The following KIF19 variants were observed in gnomAD, a reference collection of about 807,000 sequenced individuals.
The protein encoded by KIF19 is kinesin family member 19.
In KIF19, 98 loss-of-function variants were observed where a neutral mutation model predicts 106.6. The observed-to-expected ratio is 0.92, with a 90% confidence interval of 0.78 to 1.09. The LOEUF (loss-of-function observed/expected upper bound fraction) is 1.09, where lower values mean the gene tolerates loss of function less well. KIF19 is among the 50% of genes least tolerant of loss of function. The probability of loss-of-function intolerance (pLI) is 0.00; values close to 1 mark genes in which losing one functional copy is unlikely to be tolerated. For synonymous variants in KIF19, 516 were observed against 584.2 expected (o/e 0.88, Z 1.68); for missense variants, 1,373 against 1,414.3 (o/e 0.97, Z 0.47).
intron 2 of KIF19, among the ~76,000 whole-genome samples, chr17:74,335,179 G>A (rs576506532): frequency 7.2e-5 from 11 of 152,278 alleles, no homozygotes; most frequent in African/African-American, 2.2e-4. Context: ...TGTCACAACC[G>A]GGGGAAGGGT....
chr17:74,335,830 A>T (rs2054205957), intron 2 of KIF19, among the ~76,000 whole-genome samples: 1 of 152,224 alleles, frequency 6.6e-6, no homozygotes, highest in African/African-American at 2.4e-5. Flanking sequence ...TGCTGAGCCC[A>T]CCTGCTTAAG....
chr17:74,330,510 G>C (rs7209183), intron 2 of KIF19, among the ~76,000 whole-genome samples: 53,726 of 152,104 alleles, frequency 0.35, 10,056 homozygotes, highest in Admixed American at 0.52. Flanking sequence ...AAGCCACTCT[G>C]TTTGTCCAAC....
Position 74,346,120 on chromosome 17 carries a change from G to A in KIF19, c.778-258G>A, listed in dbSNP as rs942035756. On this transcript the variant is annotated intron_variant, in intron 7 of 19. Transcript: ENST00000389916. The surrounding 1 kb of genome is among the most constrained non-coding windows in gnomAD (Gnocchi z 4.6). ...CATCCATGGCACTGTGTGTCAGGCC[G>A]TGCCACGGCACCTGCCCTGAGGAGA... is the stretch of plus-strand genomic sequence containing the variant. 5.9e-5 allele frequency among the ~76,000 whole-genome samples: 9 copies of A among 152,242 alleles called. No homozygotes were observed. Among genetic ancestry groups the A allele is most frequent in the African/African-American group, 1.9e-4 (8 of 41,472 alleles).
intron 10 of KIF19, 138 bp downstream of exon 10, chr17:74,349,487 A>T (rs2054632951): frequency 1.3e-6 from 1 of 775,894 alleles, no homozygotes. Context: ...ACCAGCTCTG[A>T]GCCTCCTAGC....
chr17:74,344,767 C>G lies in KIF19; in HGVS notation c.589C>G (p.Gln197Glu). ...VSTINAKEIMQLLMKGNRQRT... is the reference protein window; with the variant it reads ...VSTINAKEIMELLMKGNRQRT... ...TCTCCTCCCTCCCACCCAGATCATG[C>G]AGCTGCTGATGAAGGGGAACCGGCA... The change falls in exon 7 of 20, where the codon CAG (glutamine) becomes GAG (glutamate). Residue 197 changes from glutamine to glutamate, a missense_variant. Physicochemically the swap from Gln to Glu is conservative, Grantham distance 29 (BLOSUM62 2). This residue lies in a region of KIF19 where 348 missense variants were observed against 389.5 expected (regional missense o/e 0.89). Transcript: ENST00000389916. The G allele has an allele frequency of 6.2e-7, 1 of 1,606,112 alleles. No individual in the cohort carries two copies. Among genetic ancestry groups the G allele is most frequent in the Non-Finnish European group, 8.5e-7 (1 of 1,174,494 alleles).
chr17:74,332,859 G>A (rs1381838828), intron 2 of KIF19, among the ~76,000 whole-genome samples: 1 of 152,206 alleles, frequency 6.6e-6, no homozygotes, highest in Non-Finnish European at 1.5e-5. Flanking sequence ...CCATGTCCTG[G>A]TCGCATACTG....
intron 5 of KIF19, 95 bp downstream of exon 5, chr17:74,343,255 C>T: frequency 8.0e-7 from 1 of 1,256,794 alleles, no homozygotes; most frequent in Non-Finnish European, 1.1e-6. Context: ...TGCTGCCCTC[C>T]TGCATGCCTA....
In KIF19 at chr17:74,353,479, C is replaced by T; in HGVS notation, c.2221-15C>T. 6.2e-7 allele frequency: 1 copy of T among 1,612,332 alleles called. No homozygotes were observed. Among genetic ancestry groups the T allele is most frequent in the Non-Finnish European group, 8.5e-7 (1 of 1,178,618 alleles). On this transcript the variant is annotated splice_polypyrimidine_tract_variant and intron_variant, in intron 16 of 19. Coordinates refer to ENST00000389916, the MANE Select transcript of KIF19 (RefSeq NM_153209.4). Reference sequence around the variant, plus strand: ...TGTTTAAGGGTTTCCTCCTCCCAACCACTCCACCCCACAGGCCCCGGCTCA... The same window carrying T: ...TGTTTAAGGGTTTCCTCCTCCCAACTACTCCACCCCACAGGCCCCGGCTCA...
chr17:74,346,552 T>C lies in KIF19; in HGVS notation c.924+28T>C, dbSNP rs370255187. ...ACCAGCCACAGCTGGGCCTGGGCACTGGGCACCAAGGGTGAGGCTGCCAGA... is the reference window on the plus strand; with the variant it reads ...ACCAGCCACAGCTGGGCCTGGGCACCGGGCACCAAGGGTGAGGCTGCCAGA... On this transcript the variant is annotated intron_variant, in intron 8 of 19. Coordinates refer to ENST00000389916, the MANE Select transcript of KIF19 (RefSeq NM_153209.4). This position sits in a 1 kb window ranked among gnomAD's most constrained non-coding sequence, Gnocchi z 4.6. The C allele has an allele frequency of 1.6e-4, 243 of 1,546,346 alleles. No individual in the cohort carries two copies. The African/African-American group carries it at 2.8e-3, about 18-fold the overall frequency.
chr17:74,342,022 C>A (rs1482778366), intron 3 of KIF19, 36 bp downstream of exon 3: 1 of 1,392,416 alleles, frequency 7.2e-7, no homozygotes, highest in East Asian at 2.5e-5. Context: ...ACGCAGGAGC[C>A]CCTCCCCCAC....
chr17:74,337,648 G>C (rs2054255473), intron 2 of KIF19, among the ~76,000 whole-genome samples: 2 of 147,462 alleles, frequency 1.4e-5, no homozygotes, highest in African/African-American at 4.9e-5. Context: ...CTTCCTCTAG[G>C]AGTAGGATTA....
At chr17:74,339,594 G>T (rs1263698743) in intron 2 of KIF19, among the ~76,000 whole-genome samples, 1 of 151,920 alleles carries the variant, frequency 6.6e-6, no homozygotes. Context: ...TGAAAGAGGG[G>T]ACGCATGAGA....
At chr17:74,338,339 T>A (rs2054272721) in intron 2 of KIF19, among the ~76,000 whole-genome samples, 1 of 148,668 alleles carries the variant, frequency 6.7e-6, no homozygotes, top group Non-Finnish European at 1.5e-5. Context: ...GCTGCAAGCT[T>A]TGGGGCCTGG....
chr17:74,349,627 C>T (rs970651090), intron 10 of KIF19, among the ~76,000 whole-genome samples: 3 of 152,240 alleles, frequency 2.0e-5, no homozygotes, highest in African/African-American at 7.2e-5. Flanking sequence ...CAATGAGCTG[C>T]GCAGGGCGCA....
intron 7 of KIF19, 105 bp downstream of exon 7, chr17:74,345,060 G>A: frequency 2.6e-6 from 3 of 1,149,132 alleles, no homozygotes; most frequent in Non-Finnish European, 3.6e-6. Flanking sequence ...CAGGAACAGG[G>A]GAGACAGGTT....
intron 9 of KIF19, 51 bp downstream of exon 9, chr17:74,347,950 C>T (rs532539891): frequency 3.6e-4 from 551 of 1,544,072 alleles, no homozygotes; most frequent in Admixed American, 7.2e-4. Context: ...GGCTGAGATT[C>T]AAGCCCCCGG....
At chr17:74,339,629 T>C (rs1297294895) in intron 2 of KIF19, among the ~76,000 whole-genome samples, 1 of 148,468 alleles carries the variant, frequency 6.7e-6, no homozygotes, top group Non-Finnish European at 1.5e-5. Flanking sequence ...GAGGCTGCCG[T>C]CATGCACTCC....
chr17:74,346,648 C>A lies in KIF19; in HGVS notation c.924+124C>A. 1.2e-6 allele frequency: 1 copy of A among 824,228 alleles called. No individual in the cohort carries two copies. Among genetic ancestry groups the A allele is most frequent in the Non-Finnish European group, 1.9e-6 (1 of 527,928 alleles). The allele number at this position is 824,228 out of a possible 1,614,324, so 51.1% of individuals were successfully genotyped here. A position where few individuals can be genotyped will look rare whatever the true frequency, so the allele number is the denominator to read the frequency against. ...GGATACACAGCAAAATTTATTTTAG[C>A]GTAAATATGTCCCATGAAATATTTG... On this transcript the variant is annotated intron_variant, in intron 8 of 19. Transcript: ENST00000389916. This position sits in a 1 kb window ranked among gnomAD's most constrained non-coding sequence, Gnocchi z 4.6.
At position 74,354,839 on chromosome 17, in the gene KIF19, C is replaced by T; in HGVS notation, c.2764C>T (p.His922Tyr). 1 of 1,561,496 alleles carries T rather than the reference C, an allele frequency of 6.4e-7. No homozygotes were observed. Among genetic ancestry groups the T allele is most frequent in the Non-Finnish European group, 8.7e-7 (1 of 1,153,134 alleles). ...GPHQAERISD[H>Y]RMPVCRHPAP... Reference sequence around the variant, plus strand: ...CCATCAGGCGGAGCGCATCTCGGACCACAGGATGCCAGTGTGCAGGCACCC... The same window carrying T: ...CCATCAGGCGGAGCGCATCTCGGACTACAGGATGCCAGTGTGCAGGCACCC... Residue 922 changes from histidine to tyrosine, a missense_variant, in exon 19 of 20, where the codon CAC (histidine) becomes TAC (tyrosine). Around this residue, in one of 3 missense-constraint regions of KIF19, gnomAD observed 1,020 missense variants for 1,008.2 expected, o/e 1.01. Transcript: ENST00000389916.
Sources: allele counts gnomAD v4.1 joint callset (sites outside exome capture counted in the v4.1 genomes callset), GRCh38; gene constraint gnomAD v4.1.1; regional missense constraint gnomAD v4.1.1; non-coding constraint Gnocchi (gnomAD v3.1); transcripts MANE v1.5; gene names NCBI Gene and HGNC (gene_info 2026-07-23, HGNC 2026-07-21).